Variants in KLF17 observed in about 807,000 individuals in gnomAD.
The protein encoded by KLF17 is KLF transcription factor 17.
In KLF17, 31 loss-of-function variants were observed where a neutral mutation model predicts 34.2. The observed-to-expected ratio is 0.91, with a 90% CI of 0.68 to 1.22. KLF17 has a LOEUF of 1.22. Among genes scored for constraint, KLF17 ranks in the 50% most tolerant of loss-of-function variants. The pLI is 0.00. For synonymous variants in KLF17, 179 were observed against 186.7 expected, an observed-to-expected ratio of 0.96 and a Z score of 0.34; for missense variants, 478 against 505.2, an observed-to-expected ratio of 0.95 and a Z score of 0.52.
At chr1:44,131,568 TG>T (rs1313710742) in intron 3 of KLF17, among the ~76,000 whole-genome samples, 1 of 152,212 alleles carries the variant, frequency 6.6e-6, no homozygotes, top group Non-Finnish European at 1.5e-5. Context: ...TCATTCTCCC[TG>T]GCACTCACTG....
At chr1:44,049,617 G>T in the KLF17 span, among the ~76,000 whole-genome samples, 1 of 152,140 alleles carries the variant, frequency 6.6e-6, no homozygotes, top group Non-Finnish European at 1.5e-5. Context: ...TGAATAGCTG[G>T]GACTACAGGC....
the KLF17 span, among the ~76,000 whole-genome samples, chr1:44,108,292 A>T: frequency 6.6e-6 from 1 of 152,230 alleles, no homozygotes; most frequent in African/African-American, 2.4e-5. Context: ...GTTTAAGCCC[A>T]GCTATGTCTC....
the KLF17 span, among the ~76,000 whole-genome samples, chr1:44,098,477 TTA>T: frequency 1.9e-3 from 150 of 78,952 alleles, 1 homozygote; most frequent in South Asian, 0.015. Flanking sequence ...ATCTTTATTA[TTA>T]TTTTTTTTAA....
At chr1:44,121,460 C>T (rs6657162) in intron 1 of KLF17, among the ~76,000 whole-genome samples, 54,193 of 152,078 alleles carry the variant, frequency 0.36, 9,979 homozygotes, top group East Asian at 0.69. Flanking sequence ...ATTCAAATGC[C>T]CCTAGCTATT....
intron 1 of KLF17, among the ~76,000 whole-genome samples, chr1:44,121,497 G>C (rs147149386): frequency 4.6e-5 from 7 of 152,138 alleles, no homozygotes; most frequent in African/African-American, 1.7e-4. Flanking sequence ...TAGCTGGTAC[G>C]TCCAAACCAG....
chr1:44,058,890 C>T, the KLF17 span, among the ~76,000 whole-genome samples: 23 of 151,736 alleles, frequency 1.5e-4, no homozygotes, highest in African/African-American at 5.1e-4. Flanking sequence ...TGGAGGCTCC[C>T]TTCAACAAAA....
chr1:44,046,933 G>T, the KLF17 span, among the ~76,000 whole-genome samples: 1 of 149,658 alleles, frequency 6.7e-6, no homozygotes, highest in Non-Finnish European at 1.5e-5. Flanking sequence ...TGAGGCAGGA[G>T]AATCGCTTGA....
upstream of KLF17, among the ~76,000 whole-genome samples, chr1:44,116,219 C>T (rs2087877946): frequency 6.6e-6 from 1 of 152,112 alleles, no homozygotes; most frequent in Non-Finnish European, 1.5e-5. Context: ...CATTGTTAGC[C>T]ATAGAATCAT....
chr1:44,130,073 C>G lies in KLF17; in HGVS notation c.802C>G (p.Pro268Ala), dbSNP rs757739139. The G allele has an allele frequency of 1.2e-6, 2 of 1,614,232 alleles. No individual in the cohort carries two copies. Among genetic ancestry groups the G allele is most frequent in the Non-Finnish European group, 1.7e-6 (2 of 1,180,034 alleles). ...APQTVEKNSR[P>A]QEGTGRRGSS... ...ACAGACAGTAGAGAAGAACTCCAGG[C>G]CTCAGGAAGGGACTGGTAGAAGGGG... The change falls in exon 2 of 4, where the codon CCT becomes GCT. Residue 268 changes from proline to alanine, a missense_variant. By Grantham distance (27) the Pro-to-Ala change is conservative. Transcript: ENST00000372299.
At position 44,134,045 on chromosome 1, in the gene KLF17, C is replaced by G. The variant is rs1021125241; in HGVS notation, c.*808C>G. On this transcript the variant is annotated 3_prime_UTR_variant, in exon 4 of 4. Coordinates refer to ENST00000372299, the MANE Select transcript of KLF17 (RefSeq NM_173484.4). Reference sequence around the variant, plus strand: ...TCACACACAGCCTCATGGGTAGGGTCAGCAAACCAGATGGCTTGTTGTTGG... The same window carrying G: ...TCACACACAGCCTCATGGGTAGGGTGAGCAAACCAGATGGCTTGTTGTTGG... 9 of 152,186 alleles carry G rather than the reference C, an allele frequency of 5.9e-5. No individual in the cohort carries two copies. Among genetic ancestry groups the G allele is most frequent in the Admixed American group, 2.0e-4 (3 of 15,282 alleles). The allele number at this position is 152,186 out of a possible 1,614,324, so 9.4% of individuals were successfully genotyped here.
the KLF17 span, chr1:44,103,438 A>G: frequency 1.2e-6 from 1 of 802,670 alleles, no homozygotes; most frequent in Non-Finnish European, 2.2e-6. Context: ...CCCATGCCAG[A>G]GCCAAAGCTG....
At chr1:44,127,679 T>A (rs2088035192) in intron 1 of KLF17, among the ~76,000 whole-genome samples, 1 of 40,062 alleles carries the variant, frequency 2.5e-5, no homozygotes, top group Non-Finnish European at 6.0e-5. Context: ...TCTTTCTTTC[T>A]TTCTTTCTTT....
intron 1 of KLF17, chr1:44,122,221 T>C (rs2087954944): frequency 6.2e-7 from 1 of 1,605,022 alleles, no homozygotes; most frequent in African/African-American, 1.3e-5. Flanking sequence ...CCTCTGCCTC[T>C]TCCTGCAACA....
At chr1:44,060,732 A>G in the KLF17 span, among the ~76,000 whole-genome samples, 1 of 152,310 alleles carries the variant, frequency 6.6e-6, no homozygotes, top group East Asian at 1.9e-4. Flanking sequence ...CTCAAACCCT[A>G]GAATCTTTAG....
chr1:44,128,527 C>T (rs1240282587), intron 1 of KLF17, among the ~76,000 whole-genome samples: 1 of 152,146 alleles, frequency 6.6e-6, no homozygotes, highest in East Asian at 1.9e-4. Context: ...TTCCCCATCT[C>T]TCCTCCAGTG....
chr1:44,130,707 C>A lies in KLF17; in HGVS notation c.1121C>A (p.Ala374Asp). 6.2e-7 allele frequency: 1 copy of A among 1,613,872 alleles called. No individual in the cohort carries two copies. Among genetic ancestry groups the A allele is most frequent in the South Asian group, 1.1e-5 (1 of 91,074 alleles). Residue 374 changes from alanine to aspartate, a missense_variant, in exon 3 of 4, where the codon GCC (alanine) becomes GAC (aspartate). Transcript: ENST00000372299. ...THRPGPSDPQANNNNGEQDSP... is the reference protein window; with the variant it reads ...THRPGPSDPQDNNNNGEQDSP... ...CGGCCGGGACCCTCAGACCCACAGG[C>A]CAACAACAACAATGGAGAGCAGGAC... is the stretch of plus-strand genomic sequence containing the variant.
the KLF17 span, among the ~76,000 whole-genome samples, chr1:44,063,264 A>G: frequency 3.3e-5 from 5 of 152,352 alleles, no homozygotes; most frequent in African/African-American, 1.2e-4. Flanking sequence ...GACAGGAAAG[A>G]GTCCTCTGAA....
At chr1:44,073,411 G>A in the KLF17 span, among the ~76,000 whole-genome samples, 1 of 151,038 alleles carries the variant, frequency 6.6e-6, no homozygotes, top group African/African-American at 2.4e-5. Flanking sequence ...TCACCATGTT[G>A]GCCAGGCTGG....
At chr1:44,048,895 G>T in the KLF17 span, among the ~76,000 whole-genome samples, 12 of 152,202 alleles carry the variant, frequency 7.9e-5, no homozygotes, top group Admixed American at 6.5e-4. Context: ...CATTCGTGCA[G>T]AAAAATGCAT....
Sources: gnomAD v4.1 joint callset for allele counts (sites outside exome capture counted in the v4.1 genomes callset) on GRCh38, gnomAD v4.1.1 for gene constraint, MANE v1.5 for transcripts, NCBI Gene and HGNC (gene_info 2026-07-23, HGNC 2026-07-21) for gene names.